Variants in ASIC2 observed in about 807,000 individuals in gnomAD.
The protein encoded by ASIC2 is acid-sensing ion channel 2.
Under a neutral mutation model 57.3 loss-of-function variants are expected in ASIC2, and 25 were observed. The observed-to-expected ratio is 0.44, with a 90% CI of 0.32 to 0.61. The LOEUF (loss-of-function observed/expected upper bound fraction) is 0.61. Among genes scored for constraint, ASIC2 ranks in the 20% least tolerant of loss-of-function variants. The pLI, the probability that ASIC2 is intolerant of heterozygous loss-of-function variation, is 0.06. For synonymous variants in ASIC2, 319 were observed against 307.5 expected, an observed-to-expected ratio of 1.04 and a Z score of -0.39; for missense variants, 641 against 738.1, an observed-to-expected ratio of 0.87 and a Z score of 1.52.
chr17:33,325,669 T>A (rs1205418512), intron 1 of ASIC2, among the ~76,000 whole-genome samples: 1 of 152,120 alleles, frequency 6.6e-6, no homozygotes, highest in Non-Finnish European at 1.5e-5. Flanking sequence ...AAAAGGTTAC[T>A]CTGACCTCTC....
chr17:33,286,938 G>T (rs888733500), intron 1 of ASIC2, among the ~76,000 whole-genome samples: 3 of 152,156 alleles, frequency 2.0e-5, no homozygotes, highest in Non-Finnish European at 4.4e-5. Context: ...TGGAAAATGA[G>T]AAAATGAGCA....
intron 1 of ASIC2, among the ~76,000 whole-genome samples, chr17:33,255,062 G>A (rs1909015533): frequency 8.5e-6 from 1 of 117,820 alleles, no homozygotes; most frequent in African/African-American, 3.4e-5. Flanking sequence ...TTGGGACAGA[G>A]CCTCGCTCTG....
intron 1 of ASIC2, among the ~76,000 whole-genome samples, chr17:33,649,681 A>G (rs1906857232): frequency 6.6e-6 from 1 of 152,058 alleles, no homozygotes; most frequent in Non-Finnish European, 1.5e-5. Context: ...GAATAGACAC[A>G]CATATTAAAG....
At chr17:33,076,844 A>G (rs2092090857) in intron 3 of ASIC2, among the ~76,000 whole-genome samples, 1 of 152,202 alleles carries the variant, frequency 6.6e-6, no homozygotes, top group Non-Finnish European at 1.5e-5. Context: ...TGAACATTTA[A>G]GTTGTGTCTA....
At chr17:33,408,955 T>TGTAA (rs1910561705) in intron 1 of ASIC2, among the ~76,000 whole-genome samples, 1 of 152,210 alleles carries the variant, frequency 6.6e-6, no homozygotes, top group Non-Finnish European at 1.5e-5. Context: ...GGCCCATGCC[T>TGTAA]GTAATCCCAG....
intron 1 of ASIC2, among the ~76,000 whole-genome samples, chr17:33,592,218 A>G (rs528884771): frequency 1.3e-5 from 2 of 152,306 alleles, no homozygotes; most frequent in South Asian, 4.1e-4. Flanking sequence ...TATCTGTTCC[A>G]TGTATCTCTG....
chr17:33,469,020 C>T (rs994981916), intron 1 of ASIC2, among the ~76,000 whole-genome samples: 1 of 152,158 alleles, frequency 6.6e-6, no homozygotes, highest in Admixed American at 6.5e-5. Flanking sequence ...GGCCTGGGCC[C>T]CAGAGAAGGG....
At chr17:33,900,693 T>C (rs1000378258) in intron 1 of ASIC2, among the ~76,000 whole-genome samples, 26 of 152,332 alleles carry the variant, frequency 1.7e-4, no homozygotes, top group Middle Eastern at 3.4e-3. Context: ...TAGACAGTTT[T>C]ATACATACTC....
At chr17:33,802,482 C>A (rs771353235) in intron 1 of ASIC2, among the ~76,000 whole-genome samples, 1 of 152,172 alleles carries the variant, frequency 6.6e-6, no homozygotes, top group Non-Finnish European at 1.5e-5. Context: ...AAAGGTTGAC[C>A]TTCCGAATTG....
At chr17:33,976,960 T>C (rs993663434) in intron 1 of ASIC2, among the ~76,000 whole-genome samples, 1 of 152,066 alleles carries the variant, frequency 6.6e-6, no homozygotes, top group African/African-American at 2.4e-5. Context: ...CATCAACTTA[T>C]AATTTAACCT....
At chr17:33,452,065 T>C (rs1413335811) in intron 1 of ASIC2, among the ~76,000 whole-genome samples, 1 of 152,236 alleles carries the variant, frequency 6.6e-6, no homozygotes, top group East Asian at 1.9e-4. Context: ...TTTAATCTGC[T>C]GTGAAATGAA....
chr17:33,677,728 A>G (rs996552730), intron 1 of ASIC2, among the ~76,000 whole-genome samples: 2 of 152,230 alleles, frequency 1.3e-5, no homozygotes, highest in Non-Finnish European at 2.9e-5. Flanking sequence ...AATTGCTTCA[A>G]TCTCATGAAA....
chr17:34,081,931 C>G (rs1229983521), intron 1 of ASIC2: 2 of 152,104 alleles, frequency 1.3e-5, no homozygotes, highest in East Asian at 1.9e-4. Flanking sequence ...ATTTTCAGAA[C>G]GACAAGCCCC....
At chr17:33,019,626 G>T (rs2091826437) in intron 7 of ASIC2, among the ~76,000 whole-genome samples, 1 of 152,134 alleles carries the variant, frequency 6.6e-6, no homozygotes, top group South Asian at 2.1e-4. Flanking sequence ...GGACCTGATG[G>T]CTGAGGGTTT....
At chr17:33,506,879 A>C (rs1468363648) in intron 1 of ASIC2, among the ~76,000 whole-genome samples, 2 of 152,208 alleles carry the variant, frequency 1.3e-5, no homozygotes, top group African/African-American at 4.8e-5. Flanking sequence ...TGGTTGGTCC[A>C]CTGAGGAAAT....
intron 3 of ASIC2, among the ~76,000 whole-genome samples, chr17:33,058,123 A>G (rs1350436132): frequency 6.6e-6 from 1 of 152,230 alleles, no homozygotes; most frequent in Admixed American, 6.5e-5. Flanking sequence ...ATTAACGAGG[A>G]AATTAATTTT....
intron 1 of ASIC2, among the ~76,000 whole-genome samples, chr17:33,446,735 G>A (rs997980517): frequency 2.0e-5 from 3 of 152,088 alleles, no homozygotes; most frequent in African/African-American, 7.2e-5. Context: ...ACCCAGAATG[G>A]ACTAGGTGTG....
Position 34,036,796 on chromosome 17 carries a change from T to C in ASIC2, c.555+119182A>G, listed in dbSNP as rs1311678286. ...AGTGTTCAAATTGTGAAGAAATAGT[T>C]GAAAACCTAGAGGGACTCCAAGCTG... is the stretch of plus-strand genomic sequence containing the variant. On this transcript the variant is annotated intron_variant, in intron 1 of 9. Coordinates refer to the ASIC2 transcript ENST00000359872. 6 of 150,542 alleles carry C rather than the reference T, an allele frequency of 4.0e-5. No individual in the cohort carries two copies. In the East Asian group the frequency reaches 1.2e-3, roughly 30 times the overall value. The allele number at this position is 150,542 out of a possible 1,614,324, so 9.3% of individuals were successfully genotyped here.
At chr17:33,240,883 C>G (rs1005914761) in intron 1 of ASIC2, among the ~76,000 whole-genome samples, 1 of 152,206 alleles carries the variant, frequency 6.6e-6, no homozygotes, top group Non-Finnish European at 1.5e-5. Flanking sequence ...CAAAAAAACA[C>G]CTCAAAGGCA....
Sources: gnomAD v4.1 joint callset for allele counts (sites outside exome capture counted in the v4.1 genomes callset) on GRCh38, gnomAD v4.1.1 for gene constraint, MANE v1.5 for transcripts, NCBI Gene and HGNC (gene_info 2026-07-23, HGNC 2026-07-21) for gene names.